Variants in GLRX5 observed in about 807,000 individuals in gnomAD.
GLRX5 encodes glutaredoxin-related protein 5, mitochondrial.
GLRX5 carries 10 observed loss-of-function variants against 13.8 expected under a neutral mutation model. The ratio of observed to expected loss-of-function variants is 0.72; its 90% CI spans 0.45 to 1.23. The LOEUF (loss-of-function observed/expected upper bound fraction) is 1.23, where lower values mean the gene tolerates loss of function less well. Ranked by LOEUF, GLRX5 falls within the 50% of genes most tolerant of loss-of-function variation. GLRX5 has a pLI of 0.00. For synonymous variants in GLRX5, 98 were observed against 101.1 expected (o/e 0.97, Z 0.18); for missense variants, 233 against 215.2 (o/e 1.08, Z -0.52).
chr14:95,543,809 GCA>G, intron 1 of GLRX5, 136 bp from the exon 2 acceptor site: 3 of 742,698 alleles, frequency 4.0e-6, no homozygotes, highest in South Asian at 3.1e-5. Context: ...TTAGTGGCAA[GCA>G]CAGTGTTCTC....
chr14:95,536,500 A>G (rs1481024290), intron 1 of GLRX5, among the ~76,000 whole-genome samples: 2 of 152,220 alleles, frequency 1.3e-5, no homozygotes, highest in South Asian at 2.1e-4. Context: ...ATTACTAATC[A>G]TAGTCATTGC....
intron 1 of GLRX5, 141 bp downstream of exon 1, chr14:95,535,525 G>T: frequency 1.3e-6 from 1 of 784,250 alleles, no homozygotes; most frequent in Non-Finnish European, 2.1e-6. Context: ...GCCGGGTTAG[G>T]GCGAGGAGTA....
chr14:95,535,426 C>T (rs1419786358), intron 1 of GLRX5, 42 bp downstream of exon 1: 1 of 1,524,346 alleles, frequency 6.6e-7, no homozygotes, highest in East Asian at 2.5e-5. Context: ...GCCCCGGGCC[C>T]AGGAGCATCG....
intron 1 of GLRX5, chr14:95,543,242 T>C (rs1489050401): frequency 4.4e-6 from 2 of 454,014 alleles, no homozygotes; most frequent in Non-Finnish European, 8.8e-6. Flanking sequence ...CATCATCCAC[T>C]CCACAGAGAG....
At chr14:95,538,484 T>C (rs1891418666) in intron 1 of GLRX5, among the ~76,000 whole-genome samples, 2 of 152,220 alleles carry the variant, frequency 1.3e-5, no homozygotes, top group South Asian at 4.1e-4. Context: ...TAGTGAAACA[T>C]GTCATGCTGG....
In GLRX5 at chr14:95,544,162, T is replaced by C. The variant is rs950395594; in HGVS notation, c.*37T>C. On this transcript the variant is annotated 3_prime_UTR_variant, in exon 2 of 2. Transcript: ENST00000331334. Reference sequence around the variant, plus strand: ...TCCTCGCTGAGCAGAGAGGGAGCCGTTCATGTCAGAGACTCACTGCCAGAA... The same window carrying C: ...TCCTCGCTGAGCAGAGAGGGAGCCGCTCATGTCAGAGACTCACTGCCAGAA... The C allele has an allele frequency of 6.3e-7, 1 of 1,584,010 alleles. No individual in the cohort carries two copies. The highest frequency in any genetic ancestry group is 8.7e-7 in the Non-Finnish European group (1 of 1,155,764).
intron 1 of GLRX5, among the ~76,000 whole-genome samples, chr14:95,537,346 G>T (rs1398640429): frequency 6.6e-6 from 1 of 152,188 alleles, no homozygotes. Flanking sequence ...AAACAGCAGC[G>T]ACAGGAATTT....
chr14:95,541,276 G>C (rs978620003), intron 1 of GLRX5, among the ~76,000 whole-genome samples: 14 of 151,286 alleles, frequency 9.3e-5, no homozygotes, highest in African/African-American at 3.4e-4. Context: ...TTGTGGATCC[G>C]CAGGATTCAT....
chr14:95,539,333 G>C (rs1204784327), intron 1 of GLRX5, among the ~76,000 whole-genome samples: 1 of 152,298 alleles, frequency 6.6e-6, no homozygotes. Flanking sequence ...CTGACAGGAA[G>C]GGATCTTGGT....
chr14:95,543,703 G>A (rs531824208), intron 1 of GLRX5: 1 of 533,848 alleles, frequency 1.9e-6, no homozygotes, highest in South Asian at 2.2e-5. Context: ...GTGGAAACAG[G>A]ATGAGAGGTC....
chr14:95,544,342 A>G lies in GLRX5; in HGVS notation c.*217A>G. 1.7e-6 allele frequency: 1 copy of G among 589,952 alleles called. No homozygotes were observed. Among genetic ancestry groups the G allele is most frequent in the Non-Finnish European group, 3.0e-6 (1 of 329,734 alleles). 36.5% of individuals were successfully genotyped at this position (589,952 alleles called of 1,614,324 possible). A position where few individuals can be genotyped will look rare whatever the true frequency, so the allele number is the denominator to read the frequency against. The stretch of plus-strand genomic sequence containing the variant: ...TACAACCACTGCACTGTAATGATTC[A>G]ATGCTGTATTATGATATTGCTGTAA... On this transcript the variant is annotated 3_prime_UTR_variant, in exon 2 of 2. Coordinates refer to ENST00000331334, the MANE Select transcript of GLRX5 (RefSeq NM_016417.3).
intron 1 of GLRX5, among the ~76,000 whole-genome samples, chr14:95,537,345 C>G (rs1183440147): frequency 2.0e-5 from 3 of 152,170 alleles, no homozygotes; most frequent in Non-Finnish European, 4.4e-5. Context: ...CAAACAGCAG[C>G]GACAGGAATT....
chr14:95,542,059 C>T (rs934918461), intron 1 of GLRX5, among the ~76,000 whole-genome samples: 2 of 152,088 alleles, frequency 1.3e-5, no homozygotes, highest in African/African-American at 2.4e-5. Flanking sequence ...ATTCTCGCAC[C>T]CAGCTCTCAG....
chr14:95,544,535 AAAAG>A lies in GLRX5; in HGVS notation c.*414_*417del, dbSNP rs1165130085. 4.7e-5 allele frequency: 10 copies of A among 211,030 alleles called. No homozygotes were observed. Among genetic ancestry groups the A allele is most frequent in the Non-Finnish European group, 9.7e-5 (10 of 103,090 alleles). The allele number at this position is 211,030 out of a possible 1,614,324, so 13.1% of individuals were successfully genotyped here. On this transcript the variant is annotated 3_prime_UTR_variant, in exon 2 of 2. Transcript: ENST00000331334. ...TTTGTTATGGAAAATGGTGAACAAAAAAAGAAACTGTGATAACTGGGGCGTTGTT... is the reference window on the plus strand; with the variant it reads ...TTTGTTATGGAAAATGGTGAACAAAAAAACTGTGATAACTGGGGCGTTGTT...
At position 95,535,241 on chromosome 14, in the gene GLRX5, A is replaced by G; in HGVS notation, c.152A>G (p.Lys51Arg). ...GAGCAGTTGGACGCGCTGGTGAAGA[A>G]GGACAAGGTGGTGGTCTTCCTCAAG... ...SAEQLDALVK[K>R]DKVVVFLKGT... Residue 51 changes from lysine (K) to arginine (R), a missense_variant, in exon 1 of 2, where the codon AAG becomes AGG. Coordinates refer to ENST00000331334, the MANE Select transcript of GLRX5 (RefSeq NM_016417.3). 1 of 1,565,354 alleles carries G rather than the reference A, an allele frequency of 6.4e-7. No homozygotes were observed. Among genetic ancestry groups the G allele is most frequent in the Non-Finnish European group, 8.6e-7 (1 of 1,157,744 alleles).
At chr14:95,543,325 AG>A (rs1891502826) in intron 1 of GLRX5, 7 of 334,842 alleles carry the variant, frequency 2.1e-5, no homozygotes, top group South Asian at 1.3e-4. Context: ...CCTGGGTAAA[AG>A]TAATTGTTAA....
intron 1 of GLRX5, chr14:95,543,131 A>G (rs763453814): frequency 5.9e-5 from 27 of 455,854 alleles, no homozygotes; most frequent in South Asian, 4.2e-4. Flanking sequence ...TTAAGAGCAG[A>G]GCGGGTCTCA....
At position 95,543,192 on chromosome 14, in the gene GLRX5, C is replaced by T. The variant is rs148126136; in HGVS notation, c.296-755C>T. 5.5e-4 allele frequency: 253 copies of T among 455,954 alleles called. 1 individual carries two copies. The highest frequency in any genetic ancestry group is 4.6e-3 in the African/African-American group (231 of 50,152). The allele number at this position is 455,954 out of a possible 1,614,324, so 28.2% of individuals were successfully genotyped here. A position where few individuals can be genotyped will look rare whatever the true frequency, so the allele number is the denominator to read the frequency against. On this transcript the variant is annotated intron_variant, in intron 1 of 1. Coordinates refer to ENST00000331334, the MANE Select transcript of GLRX5 (RefSeq NM_016417.3). ...GGGACCTTGCTGAGCTCTGGGCCTTCATTAGACTCACCAGTCACTTCGGGT... is the reference window on the plus strand; with the variant it reads ...GGGACCTTGCTGAGCTCTGGGCCTTTATTAGACTCACCAGTCACTTCGGGT...
At position 95,541,201 on chromosome 14, in the gene GLRX5, C is replaced by T. The variant is rs560667174; in HGVS notation, c.296-2746C>T. Among the ~76,000 whole-genome samples the T allele has an allele frequency of 8.1e-4, 123 of 152,360 alleles. 2 individuals carry two copies. The highest frequency in any genetic ancestry group is 3.4e-3 in the Middle Eastern group (1 of 294). The stretch of plus-strand genomic sequence containing the variant: ...TTTCAAGTGATATTTGTAAGAACTA[C>T]CACTGCATATTGCAGTTTTTGAAAA... On this transcript the variant is annotated intron_variant, in intron 1 of 1. Coordinates refer to ENST00000331334, the MANE Select transcript of GLRX5 (RefSeq NM_016417.3).
Sources: gnomAD v4.1 joint callset for allele counts (sites outside exome capture counted in the v4.1 genomes callset) on GRCh38, gnomAD v4.1.1 for gene constraint, MANE v1.5 for transcripts, NCBI Gene and HGNC (gene_info 2026-07-23, HGNC 2026-07-21) for gene names.